Variants in STMP1 observed in about 807,000 individuals in gnomAD.
STMP1 encodes mitolamban.
STMP1 carries 7 observed loss-of-function variants against 7.0 expected under a neutral mutation model. That is an observed-to-expected ratio of 1.01 (90% CI 0.57 to 1.89). The LOEUF is 1.89. Among genes scored for constraint, STMP1 ranks in the 40% most tolerant of loss-of-function variants. The pLI is 0.00. For synonymous variants in STMP1, 19 were observed against 18.4 expected (o/e 1.03, Z -0.08); for missense variants, 45 against 53.0 (o/e 0.85, Z 0.47).
chr7:135,672,991 C>T, intron 2 of STMP1, 185 bp downstream of exon 2: 2 of 602,622 alleles, frequency 3.3e-6, no homozygotes, highest in East Asian at 2.8e-5. Context: ...AACAGCTGTC[C>T]TCCATATCAC....
At chr7:135,672,639 G>C in intron 1 of STMP1, 114 bp from the exon 2 acceptor site, 1 of 756,608 alleles carries the variant, frequency 1.3e-6, no homozygotes. Flanking sequence ...GGACATCAAG[G>C]TCTTCTAACT....
intron 2 of STMP1, 107 bp from the exon 3 acceptor site, chr7:135,673,984 T>C: frequency 1.4e-6 from 1 of 720,156 alleles, no homozygotes; most frequent in Non-Finnish European, 2.3e-6. Flanking sequence ...AGATCTCTTT[T>C]GGAGGAAGAT....
Position 135,675,929 on chromosome 7 carries a change from T to TTA in STMP1, c.*1765_*1766insAT, listed in dbSNP as rs1563151015. 1 of 150,224 alleles carries TTA rather than the reference T, an allele frequency of 6.7e-6. No homozygotes were observed. Among genetic ancestry groups the TTA allele is most frequent in the African/African-American group, 2.4e-5 (1 of 40,964 alleles). The allele number at this position is 150,224 out of a possible 1,614,324, so 9.3% of individuals were successfully genotyped here. On this transcript the variant is annotated 3_prime_UTR_variant, in exon 3 of 3. Transcript: ENST00000507606. Reference sequence around the variant, plus strand: ...GTGATCATGGGCAAGTGGCTTTTTTTTTTTTTTTTTTTTGAGACAGAGTCT... The same window carrying TTA: ...GTGATCATGGGCAAGTGGCTTTTTTTTATTTTTTTTTTTTTGAGACAGAGTCT...
intron 2 of STMP1, among the ~76,000 whole-genome samples, 153 bp from the exon 3 acceptor site, chr7:135,673,938 A>G (rs1340644182): frequency 6.6e-6 from 1 of 152,180 alleles, no homozygotes; most frequent in East Asian, 1.9e-4. Flanking sequence ...ACCCTATCTT[A>G]AAAAAGAAAG....
rs1795407422 is a variant in STMP1 at position 135,675,815 on chromosome 7, C to T, written c.*1650C>T. On this transcript the variant is annotated 3_prime_UTR_variant, in exon 3 of 3. Transcript: ENST00000507606. ...CTTCTCTTTGACAACTTGCATCTCT[C>T]CTACATGGAAGTAAGTTTTATTCCT... The T allele has an allele frequency of 6.6e-6, 1 of 152,120 alleles. No individual in the cohort carries two copies. The highest frequency in any genetic ancestry group is 1.5e-5 in the Non-Finnish European group (1 of 68,022). The allele number at this position is 152,120 out of a possible 1,614,324, so 9.4% of individuals were successfully genotyped here.
Position 135,674,181 on chromosome 7 carries a change from T to C in STMP1, c.*16T>C. 1.3e-6 allele frequency: 2 copies of C among 1,534,170 alleles called. No homozygotes were observed. The highest frequency in any genetic ancestry group is 1.8e-6 in the Non-Finnish European group (2 of 1,136,738). On this transcript the variant is annotated 3_prime_UTR_variant, in exon 3 of 3. Coordinates refer to ENST00000507606, the MANE Select transcript of STMP1 (RefSeq NM_001130929.2). Reference sequence around the variant, plus strand: ...TAGTGCATGAGACTGCCTCCAGCACTGCCTTCAGGATATACTGATTCTACT... The same window carrying C: ...TAGTGCATGAGACTGCCTCCAGCACCGCCTTCAGGATATACTGATTCTACT...
intron 1 of STMP1, among the ~76,000 whole-genome samples, chr7:135,666,144 C>G (rs970845066): frequency 1.3e-5 from 2 of 151,932 alleles, no homozygotes; most frequent in Non-Finnish European, 2.9e-5. Flanking sequence ...CGTTGGCCAG[C>G]CTGGTCTTGA....
At chr7:135,673,454 A>G (rs79580568) in intron 2 of STMP1, among the ~76,000 whole-genome samples, 12,723 of 150,128 alleles carry the variant, frequency 0.085, 676 homozygotes, top group Non-Finnish European at 0.13. Flanking sequence ...TCCTTTGTCA[A>G]CCTTCGTTTG....
intron 2 of STMP1, 27 bp from the exon 3 acceptor site, chr7:135,674,064 T>C (rs1323303460): frequency 6.7e-7 from 1 of 1,483,148 alleles, no homozygotes; most frequent in Non-Finnish European, 9.1e-7. Flanking sequence ...AGATGCAAAA[T>C]TATAATAACC....
At chr7:135,671,682 C>T (rs1267380948) in intron 1 of STMP1, among the ~76,000 whole-genome samples, 1 of 152,188 alleles carries the variant, frequency 6.6e-6, no homozygotes, top group Non-Finnish European at 1.5e-5. Context: ...GCACCCGTCT[C>T]TTGTCACTGT....
Position 135,676,108 on chromosome 7 carries a change from T to G in STMP1, c.*1943T>G, listed in dbSNP as rs1214932017. The G allele has an allele frequency of 6.6e-6, 1 of 152,166 alleles. No homozygotes were observed. The allele number at this position is 152,166 out of a possible 1,614,324, so 9.4% of individuals were successfully genotyped here. A position where few individuals can be genotyped will look rare whatever the true frequency, so the allele number is the denominator to read the frequency against. On this transcript the variant is annotated 3_prime_UTR_variant, in exon 3 of 3. Transcript: ENST00000507606. The stretch of plus-strand genomic sequence containing the variant: ...TTTGTATTTTTAGTAACGACGAGGT[T>G]TCACCATGTTGGCAAAGCTGGTCTC...
At chr7:135,664,554 G>T (rs935910934) in intron 1 of STMP1, among the ~76,000 whole-genome samples, 2 of 151,626 alleles carry the variant, frequency 1.3e-5, no homozygotes, top group African/African-American at 4.8e-5. Context: ...GACAGGTCTT[G>T]CCTAGGCCTC....
At position 135,674,322 on chromosome 7, in the gene STMP1, G is replaced by T. The variant is rs2129493388; in HGVS notation, c.*157G>T. ...TTTTGCTTTAAAGCAAGCAAAATGG[G>T]GCCCCAATTTGAGAACTACCCGACA... is the stretch of plus-strand genomic sequence containing the variant. On this transcript the variant is annotated 3_prime_UTR_variant, in exon 3 of 3. Coordinates refer to ENST00000507606, the MANE Select transcript of STMP1 (RefSeq NM_001130929.2). The T allele has an allele frequency of 3.4e-6, 2 of 581,792 alleles. No individual in the cohort carries two copies. The highest frequency in any genetic ancestry group is 3.0e-6 in the Non-Finnish European group (1 of 331,972). The allele number at this position is 581,792 out of a possible 1,614,324, so 36.0% of individuals were successfully genotyped here. A position where few individuals can be genotyped will look rare whatever the true frequency, so the allele number is the denominator to read the frequency against.
chr7:135,667,881 C>T (rs768344219), intron 1 of STMP1, among the ~76,000 whole-genome samples: 29 of 152,128 alleles, frequency 1.9e-4, no homozygotes, highest in Admixed American at 1.2e-3. Context: ...TGAAGGTTTA[C>T]GCCTATGATT....
chr7:135,667,319 C>A (rs563671380), intron 1 of STMP1, among the ~76,000 whole-genome samples: 31 of 152,346 alleles, frequency 2.0e-4, no homozygotes, highest in Non-Finnish European at 4.6e-4. Context: ...CAAGTGATTT[C>A]TCCTGCCTCA....
intron 1 of STMP1, among the ~76,000 whole-genome samples, chr7:135,671,095 C>T (rs1243047295): frequency 6.6e-6 from 1 of 152,116 alleles, no homozygotes; most frequent in Admixed American, 6.5e-5. Flanking sequence ...CTGGTTTCAA[C>T]CCATAGGAGA....
At chr7:135,666,833 G>A (rs976390687) in intron 1 of STMP1, among the ~76,000 whole-genome samples, 3 of 152,144 alleles carry the variant, frequency 2.0e-5, no homozygotes, top group Non-Finnish European at 4.4e-5. Context: ...AGGAATATTT[G>A]TATACAGGCT....
intron 1 of STMP1, among the ~76,000 whole-genome samples, chr7:135,664,188 C>T (rs1465489617): frequency 1.3e-5 from 2 of 152,140 alleles, no homozygotes; most frequent in South Asian, 2.1e-4. Flanking sequence ...AGCGGTATCA[C>T]TTAGCTCCAG....
At position 135,671,068 on chromosome 7, in the gene STMP1, G is replaced by A. The variant is rs529342762; in HGVS notation, c.16-1685G>A. ...CAAATTTAATACTCCTTCTGGATTT[G>A]GAAAACCATTTCCTACCTGGTTTCA... On this transcript the variant is annotated intron_variant, in intron 1 of 2. Transcript: ENST00000507606. Among the ~76,000 whole-genome samples, 14 of 152,160 alleles carry A rather than the reference G, an allele frequency of 9.2e-5. 1 individual carries two copies. The South Asian group carries it at 2.7e-3, about 29-fold the overall frequency.
Sources: gnomAD v4.1 joint callset for allele counts (sites outside exome capture counted in the v4.1 genomes callset) on GRCh38, gnomAD v4.1.1 for gene constraint, MANE v1.5 for transcripts, NCBI Gene and HGNC (gene_info 2026-07-23, HGNC 2026-07-21) for gene names.